Variants in GRID2 observed in about 807,000 individuals in gnomAD.
The protein encoded by GRID2 is glutamate receptor ionotropic, delta-2.
A neutral mutation model predicts 114.8 loss-of-function variants in GRID2; 33 were observed. The ratio of observed to expected loss-of-function variants is 0.29; its 90% CI spans 0.22 to 0.38. GRID2 has a LOEUF of 0.38. Among genes scored for constraint, GRID2 ranks in the 10% least tolerant of loss-of-function variants. GRID2 has a pLI of 1.00. For missense variants in GRID2, 1,184 were observed against 1,257.7 expected (o/e 0.94, Z 0.89); for synonymous variants, 505 against 449.9 (o/e 1.12, Z -1.55).
chr4:92,494,602 C>T (rs1186090831), intron 1 of GRID2, among the ~76,000 whole-genome samples: 1 of 152,026 alleles, frequency 6.6e-6, no homozygotes, highest in Non-Finnish European at 1.5e-5. Flanking sequence ...ACCAGGATAA[C>T]AAGTACCAGA....
At chr4:92,737,967 A>ATGTTTCTCTCAT (rs1214989759) in intron 2 of GRID2, among the ~76,000 whole-genome samples, 1 of 152,046 alleles carries the variant, frequency 6.6e-6, no homozygotes, top group Non-Finnish European at 1.5e-5. Context: ...AATCTCTACA[A>ATGTTTCTCTCAT]TGTTTCTCTC....
intron 2 of GRID2, among the ~76,000 whole-genome samples, chr4:92,674,037 T>C (rs1733206334): frequency 6.6e-6 from 1 of 152,174 alleles, no homozygotes; most frequent in African/African-American, 2.4e-5. Context: ...CTTCTGTATA[T>C]AATACACTGT....
At chr4:93,162,532 T>A (rs1370203521) in intron 4 of GRID2, among the ~76,000 whole-genome samples, 1 of 151,968 alleles carries the variant, frequency 6.6e-6, no homozygotes, top group Non-Finnish European at 1.5e-5. Flanking sequence ...TGTTTGTATA[T>A]TCCTTTTTAA....
intron 13 of GRID2, among the ~76,000 whole-genome samples, chr4:93,558,069 G>A (rs1014867661): frequency 7.9e-5 from 12 of 152,076 alleles, no homozygotes; most frequent in South Asian, 4.2e-4. Context: ...ACCAGAATAC[G>A]TAGGACACAG....
At chr4:92,611,339 G>A (rs1405777544) in intron 2 of GRID2, among the ~76,000 whole-genome samples, 2 of 151,488 alleles carry the variant, frequency 1.3e-5, no homozygotes, top group Non-Finnish European at 3.0e-5. Context: ...CTCTTTATAT[G>A]TACTCATATG....
chr4:93,553,291 G>C (rs2149547678), intron 13 of GRID2, among the ~76,000 whole-genome samples: 1 of 152,302 alleles, frequency 6.6e-6, no homozygotes, highest in East Asian at 1.9e-4. Flanking sequence ...TCCAGCATCT[G>C]TGGTTTCCTG....
intron 1 of GRID2, among the ~76,000 whole-genome samples, chr4:92,470,261 T>C (rs563662856): frequency 1.5e-4 from 23 of 151,926 alleles, no homozygotes; most frequent in African/African-American, 4.3e-4. Flanking sequence ...ATGCTAAAGT[T>C]CTCTCTTTTT....
At chr4:93,186,558 C>CT (rs1740441595) in intron 4 of GRID2, among the ~76,000 whole-genome samples, 1 of 152,156 alleles carries the variant, frequency 6.6e-6, no homozygotes, top group East Asian at 1.9e-4. Context: ...CTACATCTCC[C>CT]TACATGCTCT....
At chr4:92,831,223 C>T (rs1742078727) in intron 2 of GRID2, among the ~76,000 whole-genome samples, 1 of 152,098 alleles carries the variant, frequency 6.6e-6, no homozygotes, top group Non-Finnish European at 1.5e-5. Flanking sequence ...TTTTATATCA[C>T]TGTGAAAGAA....
intron 1 of GRID2, among the ~76,000 whole-genome samples, chr4:93,802,376 G>A (rs1446439524): frequency 6.6e-6 from 1 of 151,956 alleles, no homozygotes; most frequent in Non-Finnish European, 1.5e-5. Flanking sequence ...ATGTGTGAGA[G>A]TGAGTGTGTG....
chr4:93,426,888 G>A lies in GRID2; in HGVS notation c.1545+3920G>A, dbSNP rs189438165. Reference sequence around the variant, plus strand: ...AACTAGGTTTTTATTTTGTTCAACCGGATATTTAGTCACTCTGACTAGGCT... The same window carrying A: ...AACTAGGTTTTTATTTTGTTCAACCAGATATTTAGTCACTCTGACTAGGCT... On this transcript the variant is annotated intron_variant, in intron 10 of 15. Transcript: ENST00000282020. Among the ~76,000 whole-genome samples, 73 of 152,044 alleles carry A rather than the reference G, an allele frequency of 4.8e-4. 1 individual carries two copies. Among genetic ancestry groups the A allele is most frequent in the Admixed American group, 3.1e-3 (47 of 15,274 alleles).
chr4:92,510,093 C>A (rs1724170351), intron 1 of GRID2, among the ~76,000 whole-genome samples: 1 of 151,812 alleles, frequency 6.6e-6, no homozygotes, highest in South Asian at 2.1e-4. Flanking sequence ...ATAAGCAAAA[C>A]AACAGCTACA....
Position 93,075,683 on chromosome 4 carries a change from TTAAAA to T in GRID2, c.245-9306_245-9302del, listed in dbSNP as rs368384872. On this transcript the variant is annotated intron_variant, in intron 2 of 15. Transcript: ENST00000282020. ...ATTTTCTGGCAATGAAATTTGGAAA[TTAAAA>T]TAAAAGTACCACTTAAAATAGAATA... Among the ~76,000 whole-genome samples, 400 of 152,044 alleles carry T rather than the reference TTAAAA, an allele frequency of 2.6e-3. 1 individual carries two copies. Among genetic ancestry groups the T allele is most frequent in the African/African-American group, 5.5e-3 (230 of 41,488 alleles).
intron 4 of GRID2, among the ~76,000 whole-genome samples, chr4:93,170,556 G>A (rs781197296): frequency 2.1e-4 from 32 of 152,098 alleles, no homozygotes; most frequent in Non-Finnish European, 2.9e-4. Flanking sequence ...TTCCTGCTTC[G>A]CCATAATAGC....
At chr4:93,498,859 CTT>C (rs1480664890) in intron 12 of GRID2, among the ~76,000 whole-genome samples, 2 of 151,808 alleles carry the variant, frequency 1.3e-5, no homozygotes, top group Non-Finnish European at 2.9e-5. Context: ...TGTTCCTGAT[CTT>C]GCTGGAAAAG....
chr4:92,776,800 A>C (rs1738823370), intron 2 of GRID2, among the ~76,000 whole-genome samples: 1 of 152,102 alleles, frequency 6.6e-6, no homozygotes, highest in Non-Finnish European at 1.5e-5. Context: ...TATTAAGTGA[A>C]TATTGAGTGG....
At chr4:93,188,795 G>A (rs1246434267) in intron 4 of GRID2, among the ~76,000 whole-genome samples, 6 of 152,086 alleles carry the variant, frequency 3.9e-5, no homozygotes, top group Non-Finnish European at 7.4e-5. Context: ...TTCAGTGCTT[G>A]TAAGTTTCAC....
At chr4:93,670,928 T>C (rs1187458319) in intron 14 of GRID2, among the ~76,000 whole-genome samples, 3 of 152,212 alleles carry the variant, frequency 2.0e-5, no homozygotes, top group African/African-American at 7.2e-5. Context: ...AGTGTGCGTT[T>C]GCTTTATGAT....
intron 2 of GRID2, among the ~76,000 whole-genome samples, chr4:92,768,877 A>G (rs942497194): frequency 1.3e-5 from 2 of 152,138 alleles, no homozygotes; most frequent in Admixed American, 6.5e-5. Flanking sequence ...GGGAGTTACA[A>G]TTCAAGATGA....
Sources: allele counts gnomAD v4.1 joint callset (sites outside exome capture counted in the v4.1 genomes callset), GRCh38; gene constraint gnomAD v4.1.1; transcripts MANE v1.5; gene names NCBI Gene and HGNC (gene_info 2026-07-23, HGNC 2026-07-21).